The following PRDM2 variants were observed in gnomAD, a reference collection of about 807,000 sequenced individuals.
PRDM2 encodes PR domain zinc finger protein 2.
Under a neutral mutation model 130.0 loss-of-function variants are expected in PRDM2, and 30 were observed. The ratio of observed to expected loss-of-function variants is 0.23; its 90% CI spans 0.17 to 0.31. The LOEUF (loss-of-function observed/expected upper bound fraction) is 0.31. Ranked by LOEUF, PRDM2 falls within the 10% of genes least tolerant of loss-of-function variation. The probability of loss-of-function intolerance (pLI) is 1.00; values close to 1 mark genes in which losing one functional copy is unlikely to be tolerated. For synonymous variants in PRDM2, 871 were observed against 782.4 expected (o/e 1.11, Z -1.89); for missense variants, 2,011 against 2,108.4 (o/e 0.95, Z 0.90).
At chr1:13,792,998 G>A (rs1194159633) in intron 8 of PRDM2, among the ~76,000 whole-genome samples, 1 of 152,250 alleles carries the variant, frequency 6.6e-6, no homozygotes, top group Non-Finnish European at 1.5e-5. Context: ...TAATCACTGT[G>A]CCCTTGGGTT....
rs202098822 is a variant in PRDM2 at position 13,782,001 on chromosome 1, G to C, written c.4206G>C (p.Arg1402Ser). The C allele has an allele frequency of 2.8e-5, 45 of 1,614,014 alleles. No individual in the cohort carries two copies. The highest frequency in any genetic ancestry group is 3.6e-5 in the Non-Finnish European group (43 of 1,180,040). The change falls in exon 8 of 10, where the codon AGG (arginine) becomes AGC (serine). Residue 1402 changes from arginine (R) to serine (S), a missense_variant. Physicochemically the swap from Arg to Ser is moderately radical, Grantham distance 110. Coordinates refer to ENST00000311066, the MANE Select transcript of PRDM2 (RefSeq NM_001393986.1). Reference sequence around the variant, plus strand: ...TCCGACGAATGGGACAGCCCAAAAGGCTTAACTTTAGTGTTGAGCTCAGCA... The same window carrying C: ...TCCGACGAATGGGACAGCCCAAAAGCCTTAACTTTAGTGTTGAGCTCAGCA... ...NAFRRMGQPK[R>S]LNFSVELSKM... is the part of the protein sequence containing the mutation.
At chr1:13,749,226 C>T (rs1643719181) in intron 5 of PRDM2, 135 bp from the exon 6 acceptor site, 1 of 848,838 alleles carries the variant, frequency 1.2e-6, no homozygotes, top group Non-Finnish European at 1.5e-6. Flanking sequence ...CCCTTCCTGC[C>T]GGCCGGGTGC....
chr1:13,740,456 T>C (rs903645545), intron 4 of PRDM2, among the ~76,000 whole-genome samples: 3 of 152,158 alleles, frequency 2.0e-5, no homozygotes, highest in Non-Finnish European at 4.4e-5. Flanking sequence ...GTACAGATAC[T>C]CTCCTTGGTG....
At chr1:13,817,873 G>A (rs544981134) in intron 9 of PRDM2, among the ~76,000 whole-genome samples, 16 of 152,194 alleles carry the variant, frequency 1.1e-4, no homozygotes, top group Admixed American at 3.9e-4. Context: ...GGTGGTGGGC[G>A]CCTGTAGTCG....
chr1:13,817,721 C>T (rs966727326), intron 9 of PRDM2, among the ~76,000 whole-genome samples: 3 of 152,010 alleles, frequency 2.0e-5, no homozygotes, highest in African/African-American at 7.2e-5. Context: ...CGAGTTCAGC[C>T]GGGCGCGGTC....
At chr1:13,743,226 C>T (rs1018599249) in intron 5 of PRDM2, among the ~76,000 whole-genome samples, 45 of 151,722 alleles carry the variant, frequency 3.0e-4, no homozygotes, top group African/African-American at 9.9e-4. Context: ...GGTGAAACCC[C>T]GTCTCTACTA....
At chr1:13,717,399 G>A (rs1642575993) in intron 2 of PRDM2, 2 of 985,212 alleles carry the variant, frequency 2.0e-6, no homozygotes, top group Non-Finnish European at 1.2e-6. Context: ...TTTGTTGGAG[G>A]AGTCTTGATC....
chr1:13,746,183 T>C (rs1181351360), intron 5 of PRDM2, among the ~76,000 whole-genome samples: 1 of 152,040 alleles, frequency 6.6e-6, no homozygotes, highest in Non-Finnish European at 1.5e-5. Context: ...GTTTAAAATC[T>C]TTGTTGTTGT....
Position 13,780,977 on chromosome 1 carries a change from C to G in PRDM2, c.3182C>G (p.Ser1061Cys). ...LSSSSSSSSS[S>C]SSFSSSSSSS... ...TCTTCCTCCTCTTCATCTTCCTCCT[C>G]CTCTTCGTTTTCTTCTTCATCTTCC... Residue 1061 changes from serine (S) to cysteine (C), a missense_variant, in exon 8 of 10, where the codon TCC becomes TGC. Ser to Cys is a moderately radical substitution (Grantham distance 112). This residue lies in a region of PRDM2 where 1,288 missense variants were observed against 1,237.7 expected (regional missense o/e 1.04). Transcript: ENST00000311066. The G allele has an allele frequency of 6.2e-7, 1 of 1,602,282 alleles. No homozygotes were observed. The highest frequency in any genetic ancestry group is 8.6e-7 in the Non-Finnish European group (1 of 1,169,410).
chr1:13,702,188 T>G (rs905442919), intron 1 of PRDM2, among the ~76,000 whole-genome samples: 1 of 152,210 alleles, frequency 6.6e-6, no homozygotes, highest in African/African-American at 2.4e-5. Flanking sequence ...ATATATATAT[T>G]TATTTACATT....
intron 5 of PRDM2, among the ~76,000 whole-genome samples, chr1:13,746,710 CCAT>C (rs1643621625): frequency 6.6e-6 from 1 of 152,120 alleles, no homozygotes; most frequent in African/African-American, 2.4e-5. Flanking sequence ...GCACACACCA[CCAT>C]GCCTTGCTAA....
intron 1 of PRDM2, among the ~76,000 whole-genome samples, chr1:13,711,719 G>C (rs931757200): frequency 1.3e-5 from 2 of 152,108 alleles, no homozygotes; most frequent in African/African-American, 2.4e-5. Context: ...TGCTTTTGTT[G>C]TTGTACAATA....
intron 6 of PRDM2, among the ~76,000 whole-genome samples, chr1:13,763,369 T>TTA (rs1644148824): frequency 6.6e-6 from 1 of 152,202 alleles, no homozygotes. Context: ...TACCAAAAGG[T>TTA]TAACAGGGTA....
Position 13,782,606 on chromosome 1 carries a change from C to G in PRDM2, c.4811C>G (p.Ser1604Cys), listed in dbSNP as rs545241009. ...GCCAAGAATCATTCTGCTCAGCTTT[C>G]CAGCAAAACATCACGGAGCCTGCAC... is the stretch of plus-strand genomic sequence containing the variant. ...AVAKNHSAQL[S>C]SKTSRSLHVR... Residue 1604 changes from serine to cysteine, a missense_variant, in exon 8 of 10, where the codon TCC becomes TGC. Coordinates refer to ENST00000311066, the MANE Select transcript of PRDM2 (RefSeq NM_001393986.1). 1 of 1,614,142 alleles carries G rather than the reference C, an allele frequency of 6.2e-7. No individual in the cohort carries two copies. The highest frequency in any genetic ancestry group is 1.3e-5 in the African/African-American group (1 of 75,046).
intron 6 of PRDM2, among the ~76,000 whole-genome samples, chr1:13,768,635 C>T (rs573908090): frequency 4.0e-5 from 6 of 151,202 alleles, no homozygotes; most frequent in Admixed American, 1.3e-4. Flanking sequence ...CCACCTGCCT[C>T]GGCCTCCCAA....
chr1:13,741,159 T>G (rs1643425780), intron 4 of PRDM2, among the ~76,000 whole-genome samples: 1 of 152,180 alleles, frequency 6.6e-6, no homozygotes, highest in African/African-American at 2.4e-5. Context: ...TATACAAAAT[T>G]AAAGTTAAAA....
chr1:13,741,720 T>TTTTGTG (rs1643447337), intron 4 of PRDM2, among the ~76,000 whole-genome samples: 1 of 112,550 alleles, frequency 8.9e-6, no homozygotes, highest in African/African-American at 4.1e-5. Context: ...CTCTTTAAGT[T>TTTTGTG]TGTGTGTGTG....
intron 7 of PRDM2, chr1:13,773,451 C>A: frequency 4.5e-6 from 1 of 222,762 alleles, no homozygotes. Context: ...GTGGCTCACA[C>A]CTGTAATCCC....
At chr1:13,784,773 C>G (rs1184265939) in intron 8 of PRDM2, among the ~76,000 whole-genome samples, 1 of 152,172 alleles carries the variant, frequency 6.6e-6, no homozygotes, top group Non-Finnish European at 1.5e-5. Context: ...TAAGAAAACA[C>G]TGGTATTGTC....
Sources: allele counts gnomAD v4.1 joint callset (sites outside exome capture counted in the v4.1 genomes callset), GRCh38; gene constraint gnomAD v4.1.1; regional missense constraint gnomAD v4.1.1; transcripts MANE v1.5; gene names NCBI Gene and HGNC (gene_info 2026-07-23, HGNC 2026-07-21).